ITGA3: variants seen among roughly 807,000 people sequenced by gnomAD.
ITGA3 encodes integrin subunit alpha 3.
Under a neutral mutation model 131.1 loss-of-function variants are expected in ITGA3, and 70 were observed. The ratio of observed to expected loss-of-function variants is 0.53; its 90% CI spans 0.44 to 0.65. The LOEUF (loss-of-function observed/expected upper bound fraction) is 0.65, where lower values mean the gene tolerates loss of function less well. Among genes scored for constraint, ITGA3 ranks in the 30% least tolerant of loss-of-function variants. The pLI is 0.00. For synonymous variants in ITGA3, 537 were observed against 571.6 expected, an observed-to-expected ratio of 0.94 and a Z score of 0.86; for missense variants, 1,098 against 1,388.6, an observed-to-expected ratio of 0.79 and a Z score of 3.33.
Position 50,068,298 on chromosome 17 carries a change from C to T in ITGA3, c.657C>T (p.Asn219=). The T allele has an allele frequency of 1.2e-6, 2 of 1,613,206 alleles. No homozygotes were observed. Among genetic ancestry groups the T allele is most frequent in the Non-Finnish European group, 8.5e-7 (1 of 1,180,002 alleles). ...TVYFGAPGAY[N]WKGNSYMIQR... is the part of the protein sequence containing the mutation. The stretch of plus-strand genomic sequence containing the variant: ...ACTTCGGCGCCCCCGGTGCCTACAA[C>T]TGGAAAGGTGGGGACCATGGGGCCA... Residue 219 remains asparagine (N), a synonymous_variant, in exon 4 of 26, where the codon AAC becomes AAT. Transcript: ENST00000320031.
chr17:50,079,110 G>C lies in ITGA3; in HGVS notation c.2435G>C (p.Gly812Ala). ...ATGGGGGAGGGGCTGGTGGGCCTGG[G>C]GACCCTGGTCCTAGGTCTGGAGTGG... is the stretch of plus-strand genomic sequence containing the variant. ...GPMGEGLVGLGTLVLGLEWPY... is the reference protein window; with the variant it reads ...GPMGEGLVGLATLVLGLEWPY... The change falls in exon 20 of 26, where the codon GGG becomes GCG. Residue 812 changes from glycine (G) to alanine (A), a missense_variant. Physicochemically the swap from Gly to Ala is moderately conservative, Grantham distance 60. Coordinates refer to ENST00000320031, the MANE Select transcript of ITGA3 (RefSeq NM_002204.4). The C allele has an allele frequency of 6.2e-7, 1 of 1,613,850 alleles. No homozygotes were observed. Among genetic ancestry groups the C allele is most frequent in the South Asian group, 1.1e-5 (1 of 91,076 alleles).
In ITGA3 at chr17:50,064,813, G is replaced by A. The variant is rs150015097; in HGVS notation, c.414+206G>A. 1.7e-3 allele frequency: 909 copies of A among 522,740 alleles called. 4 individuals are homozygous for A. Among genetic ancestry groups the A allele is most frequent in the Non-Finnish European group, 2.6e-3 (754 of 295,164 alleles). The allele number at this position is 522,740 out of a possible 1,614,324, so 32.4% of individuals were successfully genotyped here. A position where few individuals can be genotyped will look rare whatever the true frequency, so the allele number is the denominator to read the frequency against. On this transcript the variant is annotated intron_variant, in intron 3 of 25. Transcript: ENST00000320031. This position sits in a 1 kb window ranked among gnomAD's most constrained non-coding sequence, Gnocchi z 4.4. ...GTATCCTGTGCTCTCCCAAACCCCCGCACGGCCTGAGTTCTCTGACTCATC... is the reference window on the plus strand; with the variant it reads ...GTATCCTGTGCTCTCCCAAACCCCCACACGGCCTGAGTTCTCTGACTCATC...
chr17:50,073,844 C>T (rs1435604909), intron 7 of ITGA3, 72 bp from the exon 8 acceptor site: 17 of 1,110,112 alleles, frequency 1.5e-5, no homozygotes, highest in Non-Finnish European at 2.2e-5. Flanking sequence ...GCTGTATGGC[C>T]TGGAGCAAAG....
rs1909077453 is a variant in ITGA3 at position 50,079,387 on chromosome 17, C to T, written c.2584-48C>T. The T allele has an allele frequency of 1.9e-6, 3 of 1,548,790 alleles. No homozygotes were observed. In the African/African-American group the frequency reaches 4.1e-5, roughly 21 times the overall value. ...CCCTTTCCTTTCCTGCAACCCTGCT[C>T]CCAATTCTTCCTCTGCCCTGCCAGC... On this transcript the variant is annotated intron_variant, in intron 20 of 25. Coordinates refer to ENST00000320031, the MANE Select transcript of ITGA3 (RefSeq NM_002204.4).
chr17:50,067,438 C>A (rs149431620), intron 3 of ITGA3, among the ~76,000 whole-genome samples: 1 of 152,116 alleles, frequency 6.6e-6, no homozygotes, highest in Non-Finnish European at 1.5e-5. Flanking sequence ...AAGGAGACAG[C>A]CTTGGTTTGA....
At chr17:50,077,577 G>A (rs1908975253) in intron 16 of ITGA3, 130 bp downstream of exon 16, 2 of 728,880 alleles carry the variant, frequency 2.7e-6, no homozygotes, top group Non-Finnish European at 4.8e-6. Flanking sequence ...AGTGCGGGAG[G>A]AGAGACTCAG....
rs1908926853 is a variant in ITGA3, at chr17:50,076,765, G to A, written c.1922+84G>A. Reference sequence around the variant, plus strand: ...TGGCAGGGTGGGGGCGGGGCCTCATGGCAAGGCGAGCCCAGGGACAGGGCT... The same window carrying A: ...TGGCAGGGTGGGGGCGGGGCCTCATAGCAAGGCGAGCCCAGGGACAGGGCT... On this transcript the variant is annotated intron_variant, in intron 14 of 25. Coordinates refer to ENST00000320031, the MANE Select transcript of ITGA3 (RefSeq NM_002204.4). 11 of 1,324,746 alleles carry A rather than the reference G, an allele frequency of 8.3e-6. No homozygotes were observed. In the South Asian group the frequency reaches 9.5e-5, roughly 11 times the overall value. The allele number at this position is 1,324,746 out of a possible 1,614,324, so 82.1% of individuals were successfully genotyped here.
intron 23 of ITGA3, among the ~76,000 whole-genome samples, chr17:50,084,230 CAAAAAAAAAAAAAAA>C (rs61103198): frequency 1.6e-3 from 43 of 26,992 alleles, no homozygotes; most frequent in Admixed American, 3.9e-3. Flanking sequence ...GACTCTGTCT[CAAAAAAAAAAAAAAA>C]AAAAAAAAAA....
In ITGA3 at chr17:50,089,632, C is replaced by G. The variant is rs1387060259; in HGVS notation, c.*554C>G. 1 of 223,622 alleles carries G rather than the reference C, an allele frequency of 4.5e-6. No homozygotes were observed. Among genetic ancestry groups the G allele is most frequent in the Non-Finnish European group, 9.0e-6 (1 of 110,826 alleles). The allele number at this position is 223,622 out of a possible 1,614,324, so 13.9% of individuals were successfully genotyped here. On this transcript the variant is annotated 3_prime_UTR_variant, in exon 26 of 26. Transcript: ENST00000320031. Reference sequence around the variant, plus strand: ...CACCAGAGCCGGGAGGAAAAGGCCCCTGCAATGTGGTGACACCTCCCCCTT... The same window carrying G: ...CACCAGAGCCGGGAGGAAAAGGCCCGTGCAATGTGGTGACACCTCCCCCTT...
Position 50,064,660 on chromosome 17 carries a change from T to C in ITGA3, c.414+53T>C, listed in dbSNP as rs1026788183. On this transcript the variant is annotated intron_variant, in intron 3 of 25. Coordinates refer to ENST00000320031, the MANE Select transcript of ITGA3 (RefSeq NM_002204.4). This position sits in a 1 kb window ranked among gnomAD's most constrained non-coding sequence, Gnocchi z 4.4. Reference sequence around the variant, plus strand: ...CCACCTCTACCCGGCTCTCCCCTCATCTCCAGAGCTGGGAGGAAAGAAGAG... The same window carrying C: ...CCACCTCTACCCGGCTCTCCCCTCACCTCCAGAGCTGGGAGGAAAGAAGAG... 29 of 1,479,900 alleles carry C rather than the reference T, an allele frequency of 2.0e-5. No homozygotes were observed. The highest frequency in any genetic ancestry group is 1.7e-4 in the Middle Eastern group (1 of 5,746). 91.7% of individuals were successfully genotyped at this position (1,479,900 alleles called of 1,614,324 possible). A position where few individuals can be genotyped will look rare whatever the true frequency, so the allele number is the denominator to read the frequency against.
chr17:50,068,992 T>C (rs1008633367), intron 4 of ITGA3, among the ~76,000 whole-genome samples: 240 of 151,754 alleles, frequency 1.6e-3, no homozygotes, highest in Non-Finnish European at 3.0e-3. Context: ...GGACTACAGG[T>C]GCCCGCCACC....
chr17:50,084,948 C>T (rs1321235928), intron 23 of ITGA3, among the ~76,000 whole-genome samples: 1 of 151,968 alleles, frequency 6.6e-6, no homozygotes. Flanking sequence ...CGTGGTGGCT[C>T]ACGCCTGTAA....
intron 7 of ITGA3, 62 bp from the exon 8 acceptor site, chr17:50,073,854 G>T: frequency 1.6e-6 from 2 of 1,213,244 alleles, no homozygotes; most frequent in Non-Finnish European, 2.5e-6. Context: ...CTGGAGCAAA[G>T]AGTTAGGGAG....
chr17:50,064,231 G>T lies in ITGA3; in HGVS notation c.334+27G>T. On this transcript the variant is annotated intron_variant, in intron 2 of 25. Coordinates refer to ENST00000320031, the MANE Select transcript of ITGA3 (RefSeq NM_002204.4). The surrounding 1 kb of genome is among the most constrained non-coding windows in gnomAD (Gnocchi z 4.4). ...TGAGGGGAAGGGGCTGGGGAGGGGTGCTGGGTCAGAGGTCTGGCAGGGGGG... is the reference window on the plus strand; with the variant it reads ...TGAGGGGAAGGGGCTGGGGAGGGGTTCTGGGTCAGAGGTCTGGCAGGGGGG... 1 of 1,592,202 alleles carries T rather than the reference G, an allele frequency of 6.3e-7. No individual in the cohort carries two copies.
chr17:50,080,200 C>A, intron 21 of ITGA3, 62 bp from the exon 22 acceptor site: 2 of 1,024,640 alleles, frequency 2.0e-6, no homozygotes, highest in Non-Finnish European at 2.9e-6. Context: ...AGGTAAGGAG[C>A]AAGGCATGAA....
At chr17:50,077,218 T>C (rs1463618361) in intron 15 of ITGA3, 97 bp downstream of exon 15, 2 of 1,359,460 alleles carry the variant, frequency 1.5e-6, no homozygotes, top group Admixed American at 4.6e-5. Context: ...GTCTGCCACG[T>C]GCCCACCTCC....
intron 7 of ITGA3, among the ~76,000 whole-genome samples, chr17:50,073,453 G>A (rs1402404299): frequency 6.6e-6 from 1 of 152,062 alleles, no homozygotes; most frequent in African/African-American, 2.4e-5. Context: ...GAATAGCTGG[G>A]TGTGTTGGTG....
intron 22 of ITGA3, 86 bp downstream of exon 22, chr17:50,080,461 T>A: frequency 1.7e-6 from 1 of 573,090 alleles, no homozygotes; most frequent in Middle Eastern, 3.8e-4. Flanking sequence ...GGTCATAGCA[T>A]GGGTGTGTGT....
At position 50,056,971 on chromosome 17, in the gene ITGA3, A is replaced by T. The variant is rs924286945; in HGVS notation, c.206+326A>T. 6.6e-6 allele frequency among the ~76,000 whole-genome samples: 1 copy of T among 152,066 alleles called. No homozygotes were observed. Among genetic ancestry groups the T allele is most frequent in the African/African-American group, 2.4e-5 (1 of 41,390 alleles). On this transcript the variant is annotated intron_variant, in intron 1 of 25. Coordinates refer to ENST00000320031, the MANE Select transcript of ITGA3 (RefSeq NM_002204.4). This position sits in a 1 kb window ranked among gnomAD's most constrained non-coding sequence, Gnocchi z 5.6. ...TACCCAGCACTAGCCTGTTCTCTCC[A>T]GGGCTGGGAGCTGGGGTAAACTGCA...
Sources: gnomAD v4.1 joint callset for allele counts (sites outside exome capture counted in the v4.1 genomes callset) on GRCh38, gnomAD v4.1.1 for gene constraint, Gnocchi (gnomAD v3.1) non-coding constraint, MANE v1.5 for transcripts, NCBI Gene and HGNC (gene_info 2026-07-23, HGNC 2026-07-21) for gene names.